The following FDFT1 variants were observed in gnomAD, a reference collection of about 807,000 sequenced individuals.
The protein encoded by FDFT1 is squalene synthase.
In FDFT1, 68 loss-of-function variants were observed where a neutral mutation model predicts 46.8. The ratio of observed to expected loss-of-function variants is 1.45; its 90% confidence interval spans 1.19 to 1.78. The LOEUF is 1.78. Ranked by LOEUF, FDFT1 falls within the 40% of genes most tolerant of loss-of-function variation. The pLI is 0.00. For missense variants in FDFT1, 928 were observed against 524.4 expected (o/e 1.77, Z -7.52); for synonymous variants, 351 against 185.1 (o/e 1.90, Z -7.28).
chr8:11,818,666 A>C (rs1159405039), intron 3 of FDFT1, among the ~76,000 whole-genome samples: 1 of 152,048 alleles, frequency 6.6e-6, no homozygotes, highest in Non-Finnish European at 1.5e-5. Flanking sequence ...CTGTTTTATT[A>C]GAGACTAGGA....
chr8:11,805,503 A>T (rs1244512956), intron 1 of FDFT1, among the ~76,000 whole-genome samples: 1 of 152,230 alleles, frequency 6.6e-6, no homozygotes, highest in Admixed American at 6.5e-5. Flanking sequence ...TAAGTCTGTT[A>T]TTAAGTCCGA....
intron 4 of FDFT1, among the ~76,000 whole-genome samples, chr8:11,824,519 C>T (rs766823788): frequency 6.6e-6 from 1 of 152,148 alleles, no homozygotes; most frequent in African/African-American, 2.4e-5. Context: ...TTGAACCTTC[C>T]TGGGTTCAAG....
intron 4 of FDFT1, among the ~76,000 whole-genome samples, chr8:11,823,961 G>T (rs1330293038): frequency 6.6e-6 from 1 of 152,010 alleles, no homozygotes; most frequent in Admixed American, 6.6e-5. Flanking sequence ...GCCTAGGCTG[G>T]TCTTGAGCTC....
chr8:11,816,501 C>A (rs1056808498), intron 3 of FDFT1, among the ~76,000 whole-genome samples: 22 of 152,182 alleles, frequency 1.4e-4, no homozygotes, highest in Admixed American at 1.4e-3. Context: ...TATCCATGAG[C>A]ATGGAATGTT....
intron 3 of FDFT1, among the ~76,000 whole-genome samples, chr8:11,810,682 C>T (rs932078522): frequency 1.3e-5 from 2 of 152,110 alleles, no homozygotes; most frequent in Non-Finnish European, 2.9e-5. Flanking sequence ...CTAGAATTCG[C>T]ATGTCTTATC....
In FDFT1 at chr8:11,838,705, C is replaced by G. The variant is rs1811914401; in HGVS notation, c.*96C>G. 3 of 970,372 alleles carry G rather than the reference C, an allele frequency of 3.1e-6. No homozygotes were observed. Among genetic ancestry groups the G allele is most frequent in the East Asian group, 5.0e-5 (2 of 39,766 alleles). The allele number at this position is 970,372 out of a possible 1,614,324, so 60.1% of individuals were successfully genotyped here. A position where few individuals can be genotyped will look rare whatever the true frequency, so the allele number is the denominator to read the frequency against. On this transcript the variant is annotated 3_prime_UTR_variant, in exon 8 of 8. Coordinates refer to ENST00000220584, the MANE Select transcript of FDFT1 (RefSeq NM_004462.5). ...TGTTCTCTTTATTTTTTTCCTACTA[C>G]TTTAATCCCTAAAAGAACGCTGTGT...
intron 4 of FDFT1, among the ~76,000 whole-genome samples, chr8:11,825,775 G>C (rs1809884118): frequency 6.6e-6 from 1 of 152,012 alleles, no homozygotes; most frequent in African/African-American, 2.4e-5. Context: ...GTGTATTGTA[G>C]AAATTTGGAA....
At chr8:11,804,099 T>G (rs1046364407) in intron 1 of FDFT1, among the ~76,000 whole-genome samples, 4 of 152,238 alleles carry the variant, frequency 2.6e-5, no homozygotes, top group African/African-American at 9.6e-5. Flanking sequence ...GGTACAACAG[T>G]GAACAAGCTA....
At chr8:11,828,637 A>G (rs1280344595) in intron 5 of FDFT1, among the ~76,000 whole-genome samples, 1 of 152,226 alleles carries the variant, frequency 6.6e-6, no homozygotes, top group Admixed American at 6.5e-5. Flanking sequence ...CTTCTCATTC[A>G]CTTACTTTAT....
intron 1 of FDFT1, among the ~76,000 whole-genome samples, chr8:11,796,350 G>C (rs187386064): frequency 3.9e-5 from 6 of 152,336 alleles, no homozygotes; most frequent in African/African-American, 1.4e-4. Context: ...CCTTGTGCTT[G>C]AGGGGGCCAC....
chr8:11,802,093 C>G (rs138412312), upstream of FDFT1: 5 of 455,034 alleles, frequency 1.1e-5, no homozygotes, highest in African/African-American at 2.0e-5. Context: ...TAGGACTAAG[C>G]TGGATCTCAA....
intron 1 of FDFT1, 181 bp downstream of exon 1, chr8:11,803,112 C>T: frequency 7.0e-7 from 1 of 1,427,980 alleles, no homozygotes; most frequent in Non-Finnish European, 9.1e-7. Context: ...ACGCGGCCGT[C>T]CTGGCTGACC....
At chr8:11,820,427 T>A (rs1240011286) in intron 3 of FDFT1, among the ~76,000 whole-genome samples, 1 of 152,228 alleles carries the variant, frequency 6.6e-6, no homozygotes, top group Non-Finnish European at 1.5e-5. Flanking sequence ...GTCTGCTGCC[T>A]TTTGTTTAGA....
At chr8:11,804,925 T>TGG (rs1491423435) in intron 1 of FDFT1, among the ~76,000 whole-genome samples, 1 of 63,016 alleles carries the variant, frequency 1.6e-5, no homozygotes, top group African/African-American at 5.3e-5. Flanking sequence ...TTTTTTTTTT[T>TGG]GAGGGGGGGG....
At chr8:11,824,816 A>T (rs1024631942) in intron 4 of FDFT1, among the ~76,000 whole-genome samples, 2 of 152,000 alleles carry the variant, frequency 1.3e-5, no homozygotes, top group Admixed American at 1.3e-4. Context: ...GCTCCCTGCA[A>T]GCTCCACCTC....
chr8:11,823,052 T>C (rs1328666199), intron 4 of FDFT1, among the ~76,000 whole-genome samples: 1 of 152,138 alleles, frequency 6.6e-6, no homozygotes, highest in Non-Finnish European at 1.5e-5. Context: ...CCTCCTGGGC[T>C]CAGGTGATCC....
At chr8:11,801,626 G>C, upstream of FDFT1, 1 of 213,362 alleles carries the variant, frequency 4.7e-6, no homozygotes, top group East Asian at 1.6e-4. Flanking sequence ...GGCTAGACCT[G>C]ACAGGTTTTA....
chr8:11,803,117 C>A, intron 1 of FDFT1, 186 bp downstream of exon 1: 1 of 1,429,838 alleles, frequency 7.0e-7, no homozygotes, highest in Non-Finnish European at 9.1e-7. Flanking sequence ...GCCGTCCTGG[C>A]TGACCTGTCC....
At chr8:11,808,739 C>G (rs1232184629) in intron 1 of FDFT1, 55 bp from the exon 2 acceptor site, 34 of 1,588,132 alleles carry the variant, frequency 2.1e-5, no homozygotes, top group Non-Finnish European at 3.4e-6. Flanking sequence ...CCCACTCCCA[C>G]TCCCACTCCT....
Sources: gnomAD v4.1 joint callset for allele counts (sites outside exome capture counted in the v4.1 genomes callset) on GRCh38, gnomAD v4.1.1 for gene constraint, MANE v1.5 for transcripts, NCBI Gene and HGNC (gene_info 2026-07-23, HGNC 2026-07-21) for gene names.